Variants in C10orf90 observed in about 807,000 individuals in gnomAD.
C10orf90 encodes the protein (E2-independent) E3 ubiquitin-conjugating enzyme FATS.
A neutral mutation model predicts 62.5 loss-of-function variants in C10orf90; 56 were observed. That is an observed-to-expected ratio of 0.90 (90% confidence interval 0.72 to 1.12). The LOEUF is 1.12. Among genes scored for constraint, C10orf90 ranks in the 50% most tolerant of loss-of-function variants. The pLI, the probability that C10orf90 is intolerant of heterozygous loss-of-function variation, is 0.00. For synonymous variants in C10orf90, 386 were observed against 340.4 expected, an observed-to-expected ratio of 1.13 and a Z score of -1.47; for missense variants, 970 against 880.4, an observed-to-expected ratio of 1.10 and a Z score of -1.29.
intron 1 of C10orf90, among the ~76,000 whole-genome samples, chr10:126,662,093 T>TA (rs10695373): frequency 0.6 from 88,881 of 148,702 alleles, 26,569 homozygotes; most frequent in Non-Finnish European, 0.63. Flanking sequence ...GTAGTCTTGT[T>TA]AAAAAAAAAA....
chr10:126,625,419 G>A (rs1336985359), intron 2 of C10orf90, among the ~76,000 whole-genome samples: 1 of 152,120 alleles, frequency 6.6e-6, no homozygotes, highest in Non-Finnish European at 1.5e-5. Context: ...CTTGACCACA[G>A]GACATTTTTA....
At chr10:126,489,718 T>C (rs1379873028) in intron 4 of C10orf90, among the ~76,000 whole-genome samples, 2 of 151,642 alleles carry the variant, frequency 1.3e-5, no homozygotes, top group African/African-American at 4.8e-5. Context: ...TAATTCCACA[T>C]TGGGGCATAT....
rs190229364 is a variant in C10orf90 at position 126,456,292 on chromosome 10, C to T, written c.2188+2748G>A. Among the ~76,000 whole-genome samples, 37 of 152,216 alleles carry T rather than the reference C, an allele frequency of 2.4e-4. No homozygotes were observed. In the East Asian group the frequency reaches 6.4e-3, roughly 26 times the overall value. ...TCTGATTTCACTGACCTAACACAAA[C>T]GAACCCAAAAGTAAAGCTCTCATCG... On this transcript the variant is annotated intron_variant, in intron 7 of 9. Transcript: ENST00000488181. The surrounding 1 kb of genome is among the most constrained non-coding windows in gnomAD (Gnocchi z 4.9).
chr10:126,577,437 T>C (rs1165639911), intron 2 of C10orf90, among the ~76,000 whole-genome samples: 1 of 151,948 alleles, frequency 6.6e-6, no homozygotes, highest in Admixed American at 6.6e-5. Context: ...TTTAATAACA[T>C]TTAGAAATCA....
chr10:126,511,731 T>C (rs1253688717), intron 3 of C10orf90, among the ~76,000 whole-genome samples: 1 of 152,184 alleles, frequency 6.6e-6, no homozygotes, highest in Non-Finnish European at 1.5e-5. Context: ...CAAAAGTTAA[T>C]ATGCATCACA....
chr10:126,560,600 C>T (rs747610860), intron 2 of C10orf90, among the ~76,000 whole-genome samples: 23 of 152,254 alleles, frequency 1.5e-4, no homozygotes, highest in East Asian at 1.9e-4. Flanking sequence ...AGCCCCAGCA[C>T]GGTGCTTCTT....
At chr10:126,536,801 A>C (rs116628674) in intron 2 of C10orf90, among the ~76,000 whole-genome samples, 1 of 152,184 alleles carries the variant, frequency 6.6e-6, no homozygotes, top group African/African-American at 2.4e-5. Flanking sequence ...ACCTGGCCAC[A>C]CAAGGAGGCT....
chr10:126,608,538 A>G (rs1258155250), intron 2 of C10orf90, among the ~76,000 whole-genome samples: 1 of 152,252 alleles, frequency 6.6e-6, no homozygotes, highest in East Asian at 1.9e-4. Context: ...TGTAGTATCA[A>G]GGAACAATAT....
intron 2 of C10orf90, among the ~76,000 whole-genome samples, chr10:126,549,957 C>CTT (rs1168153149): frequency 5.1e-4 from 60 of 117,390 alleles, no homozygotes; most frequent in African/African-American, 9.4e-4. Flanking sequence ...GTAAAGCTTT[C>CTT]TTTTTTTTTT....
chr10:126,653,304 A>T (rs1156931771), intron 1 of C10orf90, among the ~76,000 whole-genome samples: 1 of 152,184 alleles, frequency 6.6e-6, no homozygotes, highest in Non-Finnish European at 1.5e-5. Context: ...CCGCAGTAGA[A>T]CTTCTTTCGA....
Position 126,507,731 on chromosome 10 carries a change from T to G in C10orf90, c.406-2646A>C, listed in dbSNP as rs557422337. ...CCAAACTCTAATGCCCAGGCCTCAT[T>G]CCCGAAAAATTACATTAGAATTCCT... On this transcript the variant is annotated intron_variant, in intron 3 of 9. Coordinates refer to ENST00000488181, the MANE Select transcript of C10orf90 (RefSeq NM_001350921.2). 3.3e-3 allele frequency among the ~76,000 whole-genome samples: 504 copies of G among 152,144 alleles called. 7 individuals are homozygous for G. Among genetic ancestry groups the G allele is most frequent in the African/African-American group, 0.012 (485 of 41,524 alleles).
chr10:126,520,762 C>G (rs1435119727), intron 2 of C10orf90: 2 of 152,644 alleles, frequency 1.3e-5, no homozygotes, highest in African/African-American at 4.8e-5. Context: ...CTTCCTTGCC[C>G]TTCTCAGTGT....
chr10:126,465,081 T>C (rs1379379750), intron 4 of C10orf90, 95 bp from the exon 5 acceptor site: 19 of 1,344,728 alleles, frequency 1.4e-5, no homozygotes, highest in East Asian at 1.2e-4. Flanking sequence ...CGGGACAGAC[T>C]TGGGGGGGAG....
chr10:126,606,928 A>C (rs1474676080), intron 2 of C10orf90, among the ~76,000 whole-genome samples: 2 of 152,212 alleles, frequency 1.3e-5, no homozygotes, highest in Admixed American at 6.5e-5. Context: ...CATAAGCCTT[A>C]AAGAGAAAAC....
At chr10:126,473,238 C>T (rs1860679102) in intron 4 of C10orf90, among the ~76,000 whole-genome samples, 1 of 152,216 alleles carries the variant, frequency 6.6e-6, no homozygotes, top group South Asian at 2.1e-4. Context: ...TCACAGAATG[C>T]TACTCTGTTC....
At chr10:126,575,179 G>T (rs1246282210) in intron 2 of C10orf90, among the ~76,000 whole-genome samples, 1 of 151,810 alleles carries the variant, frequency 6.6e-6, no homozygotes, top group Non-Finnish European at 1.5e-5. Context: ...ATAAATAAAG[G>T]GCATTTAAAT....
chr10:126,447,322 A>C (rs1427853282), intron 7 of C10orf90, among the ~76,000 whole-genome samples: 1 of 152,144 alleles, frequency 6.6e-6, no homozygotes, highest in Non-Finnish European at 1.5e-5. Context: ...ATAAATAGAC[A>C]AAAAGTGAAG....
chr10:126,657,746 G>A lies in C10orf90; in HGVS notation c.241-11109C>T, dbSNP rs142231688. On this transcript the variant is annotated intron_variant, in intron 1 of 9. Transcript: ENST00000488181. ...TTCTCCTGCCTCAGCCTCCCGAGTA[G>A]CTGGGATTACAGGCTTGTGCCATCA... is the stretch of plus-strand genomic sequence containing the variant. Among the ~76,000 whole-genome samples the A allele has an allele frequency of 1.8e-3, 272 of 151,916 alleles. 1 individual carries two copies. Among genetic ancestry groups the A allele is most frequent in the African/African-American group, 6.3e-3 (259 of 41,432 alleles).
chr10:126,470,260 C>T, intron 4 of C10orf90: 2 of 346,232 alleles, frequency 5.8e-6, no homozygotes, highest in Non-Finnish European at 5.8e-6. Context: ...GACATGGAGG[C>T]CATGAAAGAG....
Sources: gnomAD v4.1 joint callset for allele counts (sites outside exome capture counted in the v4.1 genomes callset) on GRCh38, gnomAD v4.1.1 for gene constraint, Gnocchi (gnomAD v3.1) non-coding constraint, MANE v1.5 for transcripts, NCBI Gene and HGNC (gene_info 2026-07-23, HGNC 2026-07-21) for gene names.